ANKAR: variants seen among roughly 807,000 people sequenced by gnomAD.
ANKAR encodes the protein ankyrin and armadillo repeat containing.
A neutral mutation model predicts 146.2 loss-of-function variants in ANKAR; 136 were observed. The ratio of observed to expected loss-of-function variants is 0.93; its 90% confidence interval spans 0.81 to 1.07. The LOEUF (loss-of-function observed/expected upper bound fraction) is 1.07. Ranked by LOEUF, ANKAR falls within the 50% of genes least tolerant of loss-of-function variation. The probability of loss-of-function intolerance (pLI) is 0.00; values close to 1 mark genes in which losing one functional copy is unlikely to be tolerated. For missense variants in ANKAR, 1,567 were observed against 1,679.9 expected, an observed-to-expected ratio of 0.93 and a Z score of 1.18; for synonymous variants, 500 against 575.8, an observed-to-expected ratio of 0.87 and a Z score of 1.88.
chr2:189,679,115 A>G (rs1470266224), intron 2 of ANKAR, among the ~76,000 whole-genome samples: 1 of 152,172 alleles, frequency 6.6e-6, no homozygotes, highest in East Asian at 1.9e-4. Context: ...AGTGTTTTGT[A>G]GTTTTCCTTG....
intron 10 of ANKAR, among the ~76,000 whole-genome samples, chr2:189,712,370 C>T (rs969063347): frequency 3.3e-5 from 5 of 152,174 alleles, no homozygotes; most frequent in Admixed American, 6.5e-5. Context: ...CTCATACAGG[C>T]GGGTGCCCCT....
At chr2:189,744,990 T>TCTTCTACTACTA (rs1553536976) in intron 22 of ANKAR, among the ~76,000 whole-genome samples, 180 of 112,410 alleles carry the variant, frequency 1.6e-3, no homozygotes, top group African/African-American at 7.2e-3. Context: ...AAACCCCATC[T>TCTTCTACTACTA]CTACTACTAC....
At chr2:189,744,990 T>TCTACTA (rs543460540) in intron 22 of ANKAR, among the ~76,000 whole-genome samples, 3 of 112,406 alleles carry the variant, frequency 2.7e-5, no homozygotes, top group African/African-American at 4.1e-5. Flanking sequence ...AAACCCCATC[T>TCTACTA]CTACTACTAC....
rs1262334051 is a variant in ANKAR, at chr2:189,721,677, A to T, written c.2635+890A>T. 3.3e-5 allele frequency among the ~76,000 whole-genome samples: 5 copies of T among 152,348 alleles called. No individual in the cohort carries two copies. In the East Asian group the frequency reaches 7.7e-4, roughly 24 times the overall value. ...TCCTGGGTTCTGTAAGAATAATTTC[A>T]TTCCAGTTAGCACATTTAACAGGTA... On this transcript the variant is annotated intron_variant, in intron 12 of 22. Coordinates refer to ENST00000684021, the MANE Select transcript of ANKAR (RefSeq NM_001378068.1).
At chr2:189,676,260 GT>G (rs1559044704) in intron 1 of ANKAR, among the ~76,000 whole-genome samples, 195 bp from the exon 2 acceptor site, 2 of 152,100 alleles carry the variant, frequency 1.3e-5, no homozygotes, top group African/African-American at 4.8e-5. Flanking sequence ...AATGATAAAG[GT>G]TTTATAATTT....
intron 14 of ANKAR, 60 bp from the exon 15 acceptor site, chr2:189,728,600 C>A (rs1559128916): frequency 1.3e-6 from 2 of 1,568,976 alleles, no homozygotes; most frequent in East Asian, 4.5e-5. Flanking sequence ...ACCGTGTCCT[C>A]TGCATAATGT....
chr2:189,762,934 T>C, downstream of ANKAR: 3 of 985,352 alleles, frequency 3.0e-6, no homozygotes, highest in Non-Finnish European at 3.6e-6. Flanking sequence ...GATTTGCAGG[T>C]GATGAGAGTT....
intron 18 of ANKAR, chr2:189,753,821 A>G: frequency 1.5e-6 from 2 of 1,313,212 alleles, no homozygotes; most frequent in Non-Finnish European, 2.1e-6. Context: ...ATAAGGCATA[A>G]AGATCTGTTC....
At chr2:189,681,496 C>T (rs889152261) in intron 2 of ANKAR, among the ~76,000 whole-genome samples, 14 of 152,172 alleles carry the variant, frequency 9.2e-5, no homozygotes, top group Non-Finnish European at 1.9e-4. Flanking sequence ...ATCAGAGACA[C>T]ATAGGAACAT....
intron 1 of ANKAR, among the ~76,000 whole-genome samples, chr2:189,675,189 A>C (rs1013482400): frequency 4.7e-5 from 1 of 21,352 alleles, no homozygotes; most frequent in Non-Finnish European, 1.2e-4. Flanking sequence ...GGTGATTTTG[A>C]TACAAGCTAA....
At chr2:189,688,910 T>C (rs2035998547) in intron 2 of ANKAR, among the ~76,000 whole-genome samples, 1 of 147,676 alleles carries the variant, frequency 6.8e-6, no homozygotes, top group Admixed American at 6.9e-5. Flanking sequence ...AGAAAGTTAC[T>C]GAAATCAGTC....
At chr2:189,693,280 A>G (rs2036696612) in intron 5 of ANKAR, 103 bp downstream of exon 5, 1 of 704,338 alleles carries the variant, frequency 1.4e-6, no homozygotes, top group South Asian at 1.7e-5. Context: ...AACCTTTACA[A>G]TGGCGATTCC....
chr2:189,705,510 A>G (rs1378496076), intron 8 of ANKAR, among the ~76,000 whole-genome samples: 2 of 152,076 alleles, frequency 1.3e-5, no homozygotes, highest in African/African-American at 4.8e-5. Flanking sequence ...ACTAATCCCC[A>G]GGGAGTTTTT....
chr2:189,687,010 A>G (rs2035699319), intron 2 of ANKAR, among the ~76,000 whole-genome samples: 1 of 152,114 alleles, frequency 6.6e-6, no homozygotes, highest in South Asian at 2.1e-4. Context: ...TTAAATGTAC[A>G]ATAAATTATT....
At chr2:189,689,250 G>A (rs2036066019) in intron 2 of ANKAR, among the ~76,000 whole-genome samples, 1 of 152,068 alleles carries the variant, frequency 6.6e-6, no homozygotes, top group African/African-American at 2.4e-5. Flanking sequence ...ACCACAAAAG[G>A]AAAGGGGTAT....
rs752469681 is a variant in ANKAR at position 189,696,380 on chromosome 2, GT to G, written c.1708+17del. ...TTACGTTCAGCCAAGGTACCATAAA[GT>G]TTTTTAACCTAAAATGTTGTTATTT... On this transcript the variant is annotated intron_variant, in intron 7 of 22. Transcript: ENST00000684021. The G allele has an allele frequency of 1.1e-5, 17 of 1,603,332 alleles. No homozygotes were observed. Among genetic ancestry groups the G allele is most frequent in the Non-Finnish European group, 1.4e-5 (16 of 1,175,908 alleles).
At chr2:189,744,031 A>T (rs1431362078) in intron 21 of ANKAR, among the ~76,000 whole-genome samples, 1 of 152,174 alleles carries the variant, frequency 6.6e-6, no homozygotes, top group Non-Finnish European at 1.5e-5. Context: ...CTATGGGTAT[A>T]TTTTCTCTTC....
chr2:189,750,599 TG>T (rs754036915), downstream of ANKAR: 5 of 1,586,698 alleles, frequency 3.2e-6, 1 homozygote, highest in Non-Finnish European at 4.3e-6. Flanking sequence ...TTTTTAATTG[TG>T]GTACTTTTAT....
intron 7 of ANKAR, 72 bp downstream of exon 7, chr2:189,696,441 G>T: frequency 6.9e-7 from 1 of 1,439,686 alleles, no homozygotes; most frequent in South Asian, 1.3e-5. Context: ...AATGCACGTT[G>T]ATTTTAGAGC....
Sources: allele counts gnomAD v4.1 joint callset (sites outside exome capture counted in the v4.1 genomes callset), GRCh38; gene constraint gnomAD v4.1.1; transcripts MANE v1.5; gene names NCBI Gene and HGNC (gene_info 2026-07-23, HGNC 2026-07-21).